Variants in DYSF observed in about 807,000 individuals in gnomAD.
DYSF encodes dystrophy-associated fer-1-like 1.
In DYSF, 212 loss-of-function variants were observed where a neutral mutation model predicts 274.9. The observed-to-expected ratio is 0.77, with a 90% CI of 0.69 to 0.86. DYSF has a LOEUF of 0.86. DYSF is among the 40% of genes least tolerant of loss of function. The pLI is 0.00. For missense variants in DYSF, 2,666 were observed against 2,783.2 expected, an observed-to-expected ratio of 0.96 and a Z score of 0.95; for synonymous variants, 1,091 against 1,078.7, an observed-to-expected ratio of 1.01 and a Z score of -0.22.
At chr2:71,661,772 C>T (rs566899559) in intron 45 of DYSF, among the ~76,000 whole-genome samples, 27 of 152,298 alleles carry the variant, frequency 1.8e-4, no homozygotes, top group African/African-American at 4.8e-4. Context: ...ACTTATAAAC[C>T]GGGGTCTGTT....
chr2:71,563,436 C>G (rs2091901202), intron 23 of DYSF, among the ~76,000 whole-genome samples: 1 of 152,218 alleles, frequency 6.6e-6, no homozygotes, highest in Non-Finnish European at 1.5e-5. Context: ...CTTACCCAAT[C>G]AGCCTGCTCT....
At chr2:71,481,054 G>C in intron 2 of DYSF, 116 bp downstream of exon 2, 5 of 1,059,694 alleles carry the variant, frequency 4.7e-6, no homozygotes, top group Non-Finnish European at 7.2e-6. Flanking sequence ...AGGTGGGGAG[G>C]GGCTGGTGGT....
intron 52 of DYSF, 63 bp downstream of exon 52, chr2:71,674,359 G>T: frequency 6.6e-7 from 1 of 1,514,686 alleles, no homozygotes; most frequent in Non-Finnish European, 9.2e-7. Flanking sequence ...CACACTGTGT[G>T]TTTATGCCAC....
At chr2:71,590,362 C>A in intron 32 of DYSF, 74 bp downstream of exon 32, 1 of 1,533,030 alleles carries the variant, frequency 6.5e-7, no homozygotes, top group African/African-American at 1.4e-5. Flanking sequence ...GGCTTTCGGG[C>A]AACAAGGGGT....
chr2:71,464,364 A>G (rs533728755), upstream of DYSF, among the ~76,000 whole-genome samples: 4 of 152,268 alleles, frequency 2.6e-5, no homozygotes, highest in Non-Finnish European at 4.4e-5. Context: ...GAAGACAGAA[A>G]ACAATTAAGA....
In DYSF at chr2:71,613,512, A is replaced by G. The variant is rs915550912; in HGVS notation, c.4464+102A>G. 1.5e-5 allele frequency: 15 copies of G among 1,022,454 alleles called. No homozygotes were observed. In the African/African-American group the frequency reaches 1.9e-4, roughly 13 times the overall value. The allele number at this position is 1,022,454 out of a possible 1,614,324, so 63.3% of individuals were successfully genotyped here. The stretch of plus-strand genomic sequence containing the variant: ...TACCCTTCATTATCACACAGCCTCT[A>G]TACACATCCCCTTCTGGGCTCTGCG... On this transcript the variant is annotated intron_variant, in intron 40 of 55. Transcript: ENST00000410020.
chr2:71,579,987 C>T (rs995447662), intron 30 of DYSF, among the ~76,000 whole-genome samples: 1 of 152,216 alleles, frequency 6.6e-6, no homozygotes, highest in Non-Finnish European at 1.5e-5. Flanking sequence ...TAACCAAGGT[C>T]CAGGCAGTGG....
At chr2:71,607,633 T>C (rs2093670359) in intron 36 of DYSF, among the ~76,000 whole-genome samples, 1 of 152,124 alleles carries the variant, frequency 6.6e-6, no homozygotes, top group Non-Finnish European at 1.5e-5. Flanking sequence ...TGGCTTGCAC[T>C]GAGCAAAGGA....
chr2:71,526,411 T>TGGGGGGGGGGGGGGG, intron 13 of DYSF, 65 bp downstream of exon 13: 4 of 306,920 alleles, frequency 1.3e-5, no homozygotes, highest in African/African-American at 6.4e-5. Context: ...CTGGTGGGGG[T>TGGGGGGGGGGGGGGG]GGGCGATGGC....
chr2:71,456,476 G>A (rs946029929), intron 1 of DYSF, among the ~76,000 whole-genome samples: 4 of 152,120 alleles, frequency 2.6e-5, no homozygotes, highest in African/African-American at 4.8e-5. Flanking sequence ...AGAAGACTTC[G>A]GTCTCAGGGA....
chr2:71,681,153 G>T (rs765739871), intron 54 of DYSF, 43 bp downstream of exon 54: 6 of 1,578,092 alleles, frequency 3.8e-6, no homozygotes, highest in South Asian at 1.1e-5. Flanking sequence ...CAGGTCTGGG[G>T]GTATAGGCCA....
chr2:71,571,456 A>G (rs1203264105), intron 29 of DYSF, among the ~76,000 whole-genome samples: 1 of 139,238 alleles, frequency 7.2e-6, no homozygotes, highest in Non-Finnish European at 1.5e-5. Flanking sequence ...CAGCACACAC[A>G]CAGATCACAC....
At position 71,602,848 on chromosome 2, in the gene DYSF, G is replaced by C; in HGVS notation, c.3957+43G>C. 4 of 1,609,298 alleles carry C rather than the reference G, an allele frequency of 2.5e-6. No individual in the cohort carries two copies. The East Asian group carries it at 8.9e-5, about 36-fold the overall frequency. ...GTTGGGATGGGTGGGCCGAGGTAGA[G>C]GGAAGGTGAAGCCAGCCTTCAAGCA... On this transcript the variant is annotated intron_variant, in intron 36 of 55. Coordinates refer to ENST00000410020, the MANE Select transcript of DYSF (RefSeq NM_001130987.2).
intron 23 of DYSF, among the ~76,000 whole-genome samples, chr2:71,563,727 G>A (rs1050398144): frequency 6.6e-6 from 1 of 152,190 alleles, no homozygotes; most frequent in African/African-American, 2.4e-5. Context: ...ATGTCTACCT[G>A]GTAGCGAGGA....
Position 71,461,283 on chromosome 2 carries a change from G to A in DYSF, c.88+7197G>A, listed in dbSNP as rs577545824. ...GCTGCTGTGCAGTCATTTGCCAGAG[G>A]GACCCGTCTAGACCCCAGGATATCA... On this transcript the variant is annotated intron_variant, in intron 1 of 54. Coordinates refer to the DYSF transcript ENST00000258104. Among the ~76,000 whole-genome samples, 32 of 152,332 alleles carry A rather than the reference G, an allele frequency of 2.1e-4. 1 individual carries two copies. The East Asian group carries it at 5.8e-3, about 28-fold the overall frequency.
At chr2:71,468,476 C>A (rs1417283737) in intron 1 of DYSF, among the ~76,000 whole-genome samples, 1 of 152,182 alleles carries the variant, frequency 6.6e-6, no homozygotes, top group Admixed American at 6.5e-5. Context: ...GGAAGATGAC[C>A]AAATCCCTTG....
intron 51 of DYSF, among the ~76,000 whole-genome samples, chr2:71,672,508 C>T (rs1041530222): frequency 6.6e-6 from 1 of 152,168 alleles, no homozygotes; most frequent in Non-Finnish European, 1.5e-5. Context: ...CCACTGGTTG[C>T]CCCGGCCAGG....
intron 1 of DYSF, among the ~76,000 whole-genome samples, chr2:71,479,909 A>G (rs2082745669): frequency 6.6e-6 from 1 of 152,242 alleles, no homozygotes; most frequent in East Asian, 1.9e-4. Flanking sequence ...AAATGGAAAT[A>G]AAATTAACAT....
In DYSF at chr2:71,511,808, C is replaced by G; in HGVS notation, c.347C>G (p.Ala116Gly). 1 of 1,547,814 alleles carries G rather than the reference C, an allele frequency of 6.5e-7. No individual in the cohort carries two copies. Among genetic ancestry groups the G allele is most frequent in the South Asian group, 1.2e-5 (1 of 83,992 alleles). Reference protein sequence around the residue: ...LLDTKKQPTGASLVLQVSYTP... With the variant: ...LLDTKKQPTGGSLVLQVSYTP... ...TCCCCCACGTCTCATCTCTTCCAGG[C>G]CTCGCTGGTCCTGCAGGTGTCCTAC... is the stretch of plus-strand genomic sequence containing the variant. Residue 116 changes from alanine to glycine, a missense_variant and splice_region_variant, in exon 5 of 56, where the codon GCC becomes GGC. Around this residue, in one of 3 missense-constraint regions of DYSF, gnomAD observed 794 missense variants for 777.1 expected, o/e 1.02. Coordinates refer to ENST00000410020, the MANE Select transcript of DYSF (RefSeq NM_001130987.2).
Sources: allele counts gnomAD v4.1 joint callset (sites outside exome capture counted in the v4.1 genomes callset), GRCh38; gene constraint gnomAD v4.1.1; regional missense constraint gnomAD v4.1.1; transcripts MANE v1.5; gene names NCBI Gene and HGNC (gene_info 2026-07-23, HGNC 2026-07-21).